Variants in MAN1C1 observed in about 807,000 individuals in gnomAD.
The protein encoded by MAN1C1 is mannosyl-oligosaccharide 1,2-alpha-mannosidase IC.
A neutral mutation model predicts 71.5 loss-of-function variants in MAN1C1; 49 were observed. The observed-to-expected ratio is 0.69, with a 90% CI of 0.54 to 0.87. MAN1C1 has a LOEUF of 0.87. Ranked by LOEUF, MAN1C1 falls within the 40% of genes least tolerant of loss-of-function variation. The pLI is 0.00. For synonymous variants in MAN1C1, 352 were observed against 343.7 expected (o/e 1.02, Z -0.27); for missense variants, 743 against 835.0 (o/e 0.89, Z 1.36).
At chr1:25,727,236 G>C (rs2046844083) in intron 2 of MAN1C1, among the ~76,000 whole-genome samples, 1 of 152,142 alleles carries the variant, frequency 6.6e-6, no homozygotes, top group African/African-American at 2.4e-5. Flanking sequence ...TAACAACACT[G>C]CTCAGGGTGG....
chr1:25,714,854 T>C (rs1328239971), intron 2 of MAN1C1, among the ~76,000 whole-genome samples: 1 of 152,182 alleles, frequency 6.6e-6, no homozygotes, highest in Non-Finnish European at 1.5e-5. Context: ...GCACTACACC[T>C]AAGATGACAT....
At chr1:25,708,450 C>T (rs776796783) in intron 2 of MAN1C1, among the ~76,000 whole-genome samples, 1 of 152,114 alleles carries the variant, frequency 6.6e-6, no homozygotes, top group Non-Finnish European at 1.5e-5. Context: ...GCTTCTTTAC[C>T]ATAGCCTGTT....
chr1:25,617,630 C>A lies in MAN1C1; in HGVS notation c.-168C>A. 1 of 570,158 alleles carries A rather than the reference C, an allele frequency of 1.8e-6. No homozygotes were observed. The highest frequency in any genetic ancestry group is 2.9e-6 in the Non-Finnish European group (1 of 339,410). 35.3% of individuals were successfully genotyped at this position (570,158 alleles called of 1,614,324 possible). ...TCCTCGCGGGAGGACTCGCTCCAAA[C>A]TCCCTGAACTTCGGGGACAGTCCCC... On this transcript the variant is annotated 5_prime_UTR_variant, in exon 1 of 12. Coordinates refer to ENST00000374332, the MANE Select transcript of MAN1C1 (RefSeq NM_020379.4). The surrounding 1 kb of genome is among the most constrained non-coding windows in gnomAD (Gnocchi z 5.1).
chr1:25,679,952 T>TAA (rs2046125958), intron 1 of MAN1C1, among the ~76,000 whole-genome samples: 1 of 96,720 alleles, frequency 1.0e-5, no homozygotes, highest in African/African-American at 3.8e-5. Flanking sequence ...AAAAAAAAAA[T>TAA]ATATATATAT....
At chr1:25,656,581 G>A (rs769727508) in intron 1 of MAN1C1, among the ~76,000 whole-genome samples, 13 of 152,026 alleles carry the variant, frequency 8.6e-5, no homozygotes, top group African/African-American at 1.7e-4. Flanking sequence ...AATTCCTTCC[G>A]GGGTCTCTAC....
chr1:25,755,492 T>C (rs912144708), intron 5 of MAN1C1, among the ~76,000 whole-genome samples: 1 of 152,214 alleles, frequency 6.6e-6, no homozygotes, highest in South Asian at 2.1e-4. Context: ...TACACATGCA[T>C]GCTCCCGCCA....
intron 2 of MAN1C1, among the ~76,000 whole-genome samples, chr1:25,712,123 G>A (rs1175798846): frequency 6.6e-6 from 1 of 152,182 alleles, no homozygotes; most frequent in Non-Finnish European, 1.5e-5. Flanking sequence ...TATAGTAGGT[G>A]CTAAATAAAT....
intron 1 of MAN1C1, among the ~76,000 whole-genome samples, chr1:25,652,146 T>G (rs1387879501): frequency 3.9e-5 from 6 of 152,232 alleles, no homozygotes; most frequent in Non-Finnish European, 8.8e-5. Context: ...AGGACATGTG[T>G]GGACACTCTT....
chr1:25,674,865 C>G, intron 1 of MAN1C1, among the ~76,000 whole-genome samples: 1 of 151,980 alleles, frequency 6.6e-6, no homozygotes, highest in Non-Finnish European at 1.5e-5. Flanking sequence ...AAATAACCAC[C>G]CTGGCTGCAA....
At chr1:25,618,930 A>T (rs1365902078) in intron 1 of MAN1C1, among the ~76,000 whole-genome samples, 4 of 152,204 alleles carry the variant, frequency 2.6e-5, no homozygotes, top group Admixed American at 2.6e-4. Flanking sequence ...ACAATTGTAC[A>T]CAATTGTACA....
intron 2 of MAN1C1, among the ~76,000 whole-genome samples, chr1:25,729,531 T>C (rs2046881411): frequency 6.6e-6 from 1 of 150,998 alleles, no homozygotes; most frequent in Non-Finnish European, 1.5e-5. Context: ...TGGAGTGCAA[T>C]GATGTGATCT....
intron 1 of MAN1C1, among the ~76,000 whole-genome samples, chr1:25,650,123 C>T (rs2045671212): frequency 6.6e-6 from 1 of 152,186 alleles, no homozygotes; most frequent in South Asian, 2.1e-4. Flanking sequence ...CTCCCATGTC[C>T]ACAGCTCTGC....
At chr1:25,625,130 C>T (rs1035124016) in intron 1 of MAN1C1, among the ~76,000 whole-genome samples, 2 of 151,494 alleles carry the variant, frequency 1.3e-5, no homozygotes, top group Non-Finnish European at 2.9e-5. Flanking sequence ...CTCAGCCTCC[C>T]GAGTAGCTGG....
intron 2 of MAN1C1, among the ~76,000 whole-genome samples, chr1:25,723,628 T>C (rs1210166410): frequency 2.0e-5 from 3 of 152,228 alleles, no homozygotes; most frequent in Non-Finnish European, 4.4e-5. Context: ...GAAATAGGGC[T>C]AGTGCATTCA....
At chr1:25,679,952 TA>T (rs1557762175) in intron 1 of MAN1C1, among the ~76,000 whole-genome samples, 6 of 96,720 alleles carry the variant, frequency 6.2e-5, no homozygotes, top group African/African-American at 2.3e-4. Context: ...AAAAAAAAAA[TA>T]TATATATATA....
At chr1:25,721,350 C>G (rs1046870703) in intron 2 of MAN1C1, among the ~76,000 whole-genome samples, 2 of 152,104 alleles carry the variant, frequency 1.3e-5, no homozygotes, top group Admixed American at 1.3e-4. Context: ...AGGGATTACA[C>G]TGAATTTATA....
intron 1 of MAN1C1, among the ~76,000 whole-genome samples, chr1:25,667,460 G>A (rs574792498): frequency 6.7e-6 from 1 of 148,356 alleles, no homozygotes; most frequent in East Asian, 2.0e-4. Context: ...ACTCCACCCT[G>A]GGCGATGGAG....
At position 25,617,790 on chromosome 1, in the gene MAN1C1, G is replaced by A. The variant is rs751786369; in HGVS notation, c.-8G>A. On this transcript the variant is annotated 5_prime_UTR_variant, in exon 1 of 12. Coordinates refer to ENST00000374332, the MANE Select transcript of MAN1C1 (RefSeq NM_020379.4). This position sits in a 1 kb window ranked among gnomAD's most constrained non-coding sequence, Gnocchi z 5.1. ...CCGAGGGCTTCTGGAGCCACCGGCCGGGCCACGATGCTCATGAGGAAAGTG... is the reference window on the plus strand; with the variant it reads ...CCGAGGGCTTCTGGAGCCACCGGCCAGGCCACGATGCTCATGAGGAAAGTG... 3 of 1,582,584 alleles carry A rather than the reference G, an allele frequency of 1.9e-6. No homozygotes were observed. The African/African-American group carries it at 4.1e-5, about 22-fold the overall frequency.
chr1:25,769,336 CCA>C lies in MAN1C1; in HGVS notation c.1142-2314_1142-2313del, dbSNP rs899959125. ...ACACGCCCCCATACACCTACATACA[CCA>C]CACACATTCATTCACCACACATACA... On this transcript the variant is annotated intron_variant, in intron 7 of 11. Coordinates refer to ENST00000374332, the MANE Select transcript of MAN1C1 (RefSeq NM_020379.4). This position sits in a 1 kb window ranked among gnomAD's most constrained non-coding sequence, Gnocchi z 4.8. Among the ~76,000 whole-genome samples, 4 of 151,494 alleles carry C rather than the reference CCA, an allele frequency of 2.6e-5. No homozygotes were observed. The highest frequency in any genetic ancestry group is 5.9e-5 in the Non-Finnish European group (4 of 67,870).
Sources: gnomAD v4.1 joint callset for allele counts (sites outside exome capture counted in the v4.1 genomes callset) on GRCh38, gnomAD v4.1.1 for gene constraint, Gnocchi (gnomAD v3.1) non-coding constraint, MANE v1.5 for transcripts, NCBI Gene and HGNC (gene_info 2026-07-23, HGNC 2026-07-21) for gene names.